The following MDGA2 variants were observed in gnomAD, a reference collection of about 807,000 sequenced individuals.
The protein encoded by MDGA2 is MAM domain containing glycosylphosphatidylinositol anchor 2.
Under a neutral mutation model 117.8 loss-of-function variants are expected in MDGA2, and 40 were observed. The observed-to-expected ratio is 0.34, with a 90% CI of 0.26 to 0.44. MDGA2 has a LOEUF of 0.44. MDGA2 is among the 20% of genes least tolerant of loss of function. MDGA2 has a pLI of 1.00. For synonymous variants in MDGA2, 452 were observed against 439.0 expected (o/e 1.03, Z -0.37); for missense variants, 1,123 against 1,250.6 (o/e 0.90, Z 1.54).
intron 2 of MDGA2, among the ~76,000 whole-genome samples, chr14:47,234,736 C>A (rs1427246703): frequency 6.6e-6 from 1 of 152,132 alleles, no homozygotes; most frequent in Non-Finnish European, 1.5e-5. Flanking sequence ...AGTCTCACAG[C>A]AACTCTCATT....
chr14:47,117,509 A>G (rs573794859), intron 5 of MDGA2, among the ~76,000 whole-genome samples: 17 of 152,302 alleles, frequency 1.1e-4, no homozygotes, highest in Admixed American at 7.8e-4. Flanking sequence ...CTAAATGTGC[A>G]TCAACTGATG....
chr14:47,533,640 C>T (rs531587508), intron 1 of MDGA2, among the ~76,000 whole-genome samples: 1 of 152,244 alleles, frequency 6.6e-6, no homozygotes, highest in Admixed American at 6.5e-5. Flanking sequence ...ATGCCTGTGT[C>T]CTAATTTGGA....
At chr14:47,425,346 C>A (rs950251450) in intron 1 of MDGA2, among the ~76,000 whole-genome samples, 7 of 152,076 alleles carry the variant, frequency 4.6e-5, no homozygotes, top group Non-Finnish European at 8.8e-5. Flanking sequence ...GATACATACA[C>A]CCTCATTTAA....
At chr14:47,370,921 A>T (rs922156112) in intron 1 of MDGA2, among the ~76,000 whole-genome samples, 14 of 151,890 alleles carry the variant, frequency 9.2e-5, no homozygotes, top group Middle Eastern at 6.8e-3. Context: ...TGTACATTTT[A>T]TGTCTCGAAC....
Position 47,488,093 on chromosome 14 carries a change from C to T in MDGA2, c.280+186424G>A, listed in dbSNP as rs566688025. 2.2e-4 allele frequency among the ~76,000 whole-genome samples: 33 copies of T among 152,068 alleles called. 1 individual carries two copies. In the East Asian group the frequency reaches 2.3e-3, roughly 11 times the overall value. On this transcript the variant is annotated intron_variant, in intron 1 of 16. Coordinates refer to ENST00000399232, the MANE Select transcript of MDGA2 (RefSeq NM_001113498.3). ...CTCAATGCTCCAAGTCACTTGTTTT[C>T]GACCCTGGTTAGATCATTGGGCATT...
intron 1 of MDGA2, among the ~76,000 whole-genome samples, chr14:47,511,661 A>T (rs745763041): frequency 1.3e-5 from 2 of 152,182 alleles, no homozygotes; most frequent in Non-Finnish European, 2.9e-5. Flanking sequence ...GAGTATAAAA[A>T]TTGTTTCGTT....
At chr14:47,232,791 G>A (rs1329397111) in intron 2 of MDGA2, among the ~76,000 whole-genome samples, 2 of 152,110 alleles carry the variant, frequency 1.3e-5, no homozygotes, top group East Asian at 1.9e-4. Flanking sequence ...AGCTGCCTAA[G>A]TATTATCTGT....
At chr14:47,205,297 A>G (rs1885644498) in intron 3 of MDGA2, among the ~76,000 whole-genome samples, 1 of 151,812 alleles carries the variant, frequency 6.6e-6, no homozygotes, top group East Asian at 1.9e-4. Flanking sequence ...TATTCCCCTC[A>G]GCTTCTGTAA....
chr14:46,990,568 CT>C (rs542512228), intron 8 of MDGA2, among the ~76,000 whole-genome samples: 32 of 151,944 alleles, frequency 2.1e-4, no homozygotes, highest in Admixed American at 1.2e-3. Flanking sequence ...TTGTTAACCA[CT>C]CCTTTTATCT....
At chr14:47,544,349 TAAC>T (rs1895415063) in intron 1 of MDGA2, among the ~76,000 whole-genome samples, 1 of 152,204 alleles carries the variant, frequency 6.6e-6, no homozygotes, top group South Asian at 2.1e-4. Flanking sequence ...AGTTATGGGC[TAAC>T]AACTATAATA....
chr14:47,341,429 AT>A (rs1262677832), intron 1 of MDGA2, among the ~76,000 whole-genome samples: 7 of 152,192 alleles, frequency 4.6e-5, no homozygotes, highest in African/African-American at 1.7e-4. Context: ...AATGAAAACT[AT>A]TTAAAGTGTA....
intron 1 of MDGA2, among the ~76,000 whole-genome samples, chr14:47,667,016 C>T (rs1001918637): frequency 1.3e-5 from 2 of 152,168 alleles, no homozygotes; most frequent in African/African-American, 2.4e-5. Flanking sequence ...AAGGAACAAA[C>T]TCCGGACACA....
At chr14:47,057,073 T>G (rs987407062) in intron 7 of MDGA2, among the ~76,000 whole-genome samples, 1 of 152,138 alleles carries the variant, frequency 6.6e-6, no homozygotes, top group Non-Finnish European at 1.5e-5. Context: ...TTTGCTTATA[T>G]TCATATCAAT....
intron 6 of MDGA2, among the ~76,000 whole-genome samples, chr14:47,066,158 A>T (rs1890071319): frequency 6.6e-6 from 1 of 152,194 alleles, no homozygotes; most frequent in Admixed American, 6.5e-5. Flanking sequence ...CTAGGAACCT[A>T]TCTTTCTCCT....
At chr14:46,861,590 T>C (rs1462206234) in intron 14 of MDGA2, among the ~76,000 whole-genome samples, 1 of 151,906 alleles carries the variant, frequency 6.6e-6, no homozygotes, top group Non-Finnish European at 1.5e-5. Flanking sequence ...TGTGGCTAGA[T>C]GTTATTTAAA....
At chr14:47,303,502 A>G (rs192166170) in intron 1 of MDGA2, among the ~76,000 whole-genome samples, 90 of 152,190 alleles carry the variant, frequency 5.9e-4, no homozygotes, top group Non-Finnish European at 1.2e-3. Flanking sequence ...GATATGTTTC[A>G]CACCACATTT....
At chr14:47,315,406 T>C (rs17740563) in intron 1 of MDGA2, among the ~76,000 whole-genome samples, 1 of 152,218 alleles carries the variant, frequency 6.6e-6, no homozygotes, top group African/African-American at 2.4e-5. Context: ...TTATAACTTC[T>C]AAAAAGTTTG....
intron 2 of MDGA2, among the ~76,000 whole-genome samples, chr14:47,249,950 T>C (rs1887390318): frequency 1.3e-5 from 2 of 152,122 alleles, no homozygotes. Context: ...CCTCACACTA[T>C]TGAAAAGCTA....
intron 1 of MDGA2, among the ~76,000 whole-genome samples, chr14:47,343,826 T>TA (rs1434181130): frequency 6.6e-6 from 1 of 152,042 alleles, no homozygotes; most frequent in African/African-American, 2.4e-5. Flanking sequence ...TAAAATGCAT[T>TA]AAAAAAAGAA....
Sources: gnomAD v4.1 joint callset for allele counts (sites outside exome capture counted in the v4.1 genomes callset) on GRCh38, gnomAD v4.1.1 for gene constraint, MANE v1.5 for transcripts, NCBI Gene and HGNC (gene_info 2026-07-23, HGNC 2026-07-21) for gene names.